The following EBF3 variants were observed in gnomAD, a reference collection of about 807,000 sequenced individuals.
The protein encoded by EBF3 is transcription factor COE3.
Under a neutral mutation model 77.1 loss-of-function variants are expected in EBF3, and 18 were observed. The observed-to-expected ratio is 0.23, with a 90% CI of 0.16 to 0.35. The LOEUF (loss-of-function observed/expected upper bound fraction) is 0.35. Ranked by LOEUF, EBF3 falls within the 10% of genes least tolerant of loss-of-function variation. The pLI is 1.00. For missense variants in EBF3, 558 were observed against 860.0 expected (o/e 0.65, Z 4.39); for synonymous variants, 350 against 343.5 (o/e 1.02, Z -0.21).
chr10:129,840,167 G>A, intron 15 of EBF3, 78 bp downstream of exon 15: 1 of 1,472,514 alleles, frequency 6.8e-7, no homozygotes, highest in Non-Finnish European at 9.1e-7. Context: ...CAGGAGAAAG[G>A]CCGAGCCCCC....
intron 6 of EBF3, among the ~76,000 whole-genome samples, chr10:129,904,432 A>AGATG (rs1418641381): frequency 2.0e-5 from 3 of 152,140 alleles, no homozygotes; most frequent in Non-Finnish European, 4.4e-5. Flanking sequence ...TTAAATGGAC[A>AGATG]GATGGATGGA....
At chr10:129,923,621 T>C (rs1011441355) in intron 6 of EBF3, among the ~76,000 whole-genome samples, 2 of 152,082 alleles carry the variant, frequency 1.3e-5, no homozygotes, top group African/African-American at 2.4e-5. Context: ...TACACATATA[T>C]AACAACATAT....
At chr10:129,951,449 C>T (rs556406839) in intron 6 of EBF3, among the ~76,000 whole-genome samples, 119 of 152,370 alleles carry the variant, frequency 7.8e-4, no homozygotes, top group Middle Eastern at 3.4e-3. Context: ...CGTTCATACC[C>T]GGCTGCATGC....
chr10:129,892,935 T>G (rs1227267724), intron 6 of EBF3, among the ~76,000 whole-genome samples: 1 of 152,232 alleles, frequency 6.6e-6, no homozygotes, highest in East Asian at 1.9e-4. Flanking sequence ...AGCCGTTAAT[T>G]AGCATACTTC....
intron 6 of EBF3, among the ~76,000 whole-genome samples, chr10:129,895,600 C>A (rs1036070319): frequency 1.3e-5 from 2 of 152,186 alleles, no homozygotes; most frequent in Non-Finnish European, 2.9e-5. Context: ...TCTCAAAATT[C>A]GACAATCAAA....
At chr10:129,871,144 G>A (rs901441723) in intron 8 of EBF3, among the ~76,000 whole-genome samples, 1 of 152,182 alleles carries the variant, frequency 6.6e-6, no homozygotes, top group Non-Finnish European at 1.5e-5. Context: ...CCGCATTACG[G>A]CACTTGGCAT....
At position 129,843,036 on chromosome 10, in the gene EBF3, A is replaced by AG. The variant is rs1850196677; in HGVS notation, c.1194+100dup. 14 of 1,173,540 alleles carry AG rather than the reference A, an allele frequency of 1.2e-5. No homozygotes were observed. In the East Asian group the frequency reaches 3.6e-4, roughly 30 times the overall value. 72.7% of individuals were successfully genotyped at this position (1,173,540 alleles called of 1,614,324 possible). On this transcript the variant is annotated intron_variant, in intron 12 of 16. Coordinates refer to ENST00000440978, the MANE Select transcript of EBF3 (RefSeq NM_001375380.1). ...CAGACTCCTGTGGAGTCGCTGGAAA[A>AG]GCATGCTTATGTCCAGAAAGCCCAC...
intron 6 of EBF3, among the ~76,000 whole-genome samples, chr10:129,926,551 G>A (rs1460136805): frequency 1.3e-5 from 2 of 150,580 alleles, no homozygotes; most frequent in Non-Finnish European, 2.9e-5. Flanking sequence ...GCTCCACAGG[G>A]AAGCATCTCA....
chr10:129,956,537 C>T (rs1859050539), intron 6 of EBF3, among the ~76,000 whole-genome samples: 1 of 152,078 alleles, frequency 6.6e-6, no homozygotes, highest in Non-Finnish European at 1.5e-5. Flanking sequence ...TAAAGCTATG[C>T]CAAATGCACA....
intron 8 of EBF3, among the ~76,000 whole-genome samples, chr10:129,871,275 C>G (rs1852389027): frequency 6.6e-6 from 1 of 151,968 alleles, no homozygotes; most frequent in African/African-American, 2.4e-5. Flanking sequence ...CTGAGTTCTA[C>G]TGTGTTGTGC....
At chr10:129,891,390 A>G (rs1854008161) in intron 6 of EBF3, among the ~76,000 whole-genome samples, 1 of 152,250 alleles carries the variant, frequency 6.6e-6, no homozygotes. Flanking sequence ...CCGTGCATGC[A>G]GGAAATTGGA....
chr10:129,960,465 G>A (rs1049186075), intron 4 of EBF3, among the ~76,000 whole-genome samples: 5 of 152,214 alleles, frequency 3.3e-5, no homozygotes, highest in Non-Finnish European at 7.3e-5. Flanking sequence ...TGCAGGGCGC[G>A]TGGCCGCGGC....
Position 129,837,735 on chromosome 10 carries a change from T to C in EBF3, c.*208A>G. 6 of 608,930 alleles carry C rather than the reference T, an allele frequency of 9.9e-6. No homozygotes were observed. Among genetic ancestry groups the C allele is most frequent in the Non-Finnish European group, 8.6e-6 (3 of 349,280 alleles). 37.7% of individuals were successfully genotyped at this position (608,930 alleles called of 1,614,324 possible). ...TCAGTCAATAAAATGGAATTGTTCA[T>C]GAAGAAGTAGGCTGTTTGCATGTTG... On this transcript the variant is annotated 3_prime_UTR_variant, in exon 17 of 17. Transcript: ENST00000440978.
chr10:129,925,933 G>A (rs1856641048), intron 6 of EBF3, among the ~76,000 whole-genome samples: 2 of 152,132 alleles, frequency 1.3e-5, no homozygotes, highest in African/African-American at 2.4e-5. Context: ...GCCACTGGGG[G>A]CCAGTGAAGA....
chr10:129,951,989 C>A (rs1050517826), intron 6 of EBF3, among the ~76,000 whole-genome samples: 1 of 152,256 alleles, frequency 6.6e-6, no homozygotes, highest in Non-Finnish European at 1.5e-5. Flanking sequence ...GCCATTCACA[C>A]CTGAGCCCGG....
At chr10:129,937,675 G>T (rs1419987595) in intron 6 of EBF3, among the ~76,000 whole-genome samples, 2 of 151,968 alleles carry the variant, frequency 1.3e-5, no homozygotes, top group African/African-American at 4.8e-5. Context: ...CACCGCTGGG[G>T]ACTGCAGGTC....
At chr10:129,846,802 C>A (rs1421449030) in intron 11 of EBF3, among the ~76,000 whole-genome samples, 2 of 152,060 alleles carry the variant, frequency 1.3e-5, no homozygotes, top group Non-Finnish European at 2.9e-5. Flanking sequence ...ACGTTTTCAC[C>A]TGAATTAAAA....
chr10:129,890,283 G>A (rs1853929530), intron 6 of EBF3, among the ~76,000 whole-genome samples: 1 of 152,224 alleles, frequency 6.6e-6, no homozygotes. Flanking sequence ...TGGTACAAGT[G>A]ACCCTGAACT....
intron 16 of EBF3, 101 bp downstream of exon 16, chr10:129,838,982 C>T (rs1849813160): frequency 5.2e-6 from 6 of 1,147,654 alleles, no homozygotes; most frequent in South Asian, 1.4e-5. Flanking sequence ...GTGTGGTGCC[C>T]GCTGATGGCA....
Sources: gnomAD v4.1 joint callset for allele counts (sites outside exome capture counted in the v4.1 genomes callset) on GRCh38, gnomAD v4.1.1 for gene constraint, MANE v1.5 for transcripts, NCBI Gene and HGNC (gene_info 2026-07-23, HGNC 2026-07-21) for gene names.